The following WBP11 variants were observed in gnomAD, a reference collection of about 807,000 sequenced individuals.
WBP11 encodes the protein WW domain binding protein 11, also known as WW domain-binding protein 11.
WBP11 carries 12 observed loss-of-function variants against 66.7 expected under a neutral mutation model. That is an observed-to-expected ratio of 0.18 (90% CI 0.12 to 0.29). The LOEUF is 0.29. Among genes scored for constraint, WBP11 ranks in the 10% least tolerant of loss-of-function variants. WBP11 has a pLI of 1.00. For missense variants in WBP11, 555 were observed against 818.3 expected (o/e 0.68, Z 3.93); for synonymous variants, 255 against 273.8 (o/e 0.93, Z 0.68).
At chr12:14,795,657 G>A (rs1009695039) in intron 5 of WBP11, among the ~76,000 whole-genome samples, 1 of 152,166 alleles carries the variant, frequency 6.6e-6, no homozygotes, top group African/African-American at 2.4e-5. Flanking sequence ...TTGAACCTGG[G>A]AGGCAGAGGT....
chr12:14,788,717 AT>A (rs562483168), intron 11 of WBP11, among the ~76,000 whole-genome samples: 155 of 152,354 alleles, frequency 1.0e-3, no homozygotes, highest in Admixed American at 1.9e-3. Flanking sequence ...AAACCAAAAA[AT>A]TATCAAATAG....
At chr12:14,790,418 C>A (rs1949806919) in intron 10 of WBP11, 38 bp downstream of exon 10, 1 of 1,594,436 alleles carries the variant, frequency 6.3e-7, no homozygotes, top group Non-Finnish European at 8.6e-7. Context: ...TTCATTCTAA[C>A]CTCATTTAAA....
rs1300360659 is a variant in WBP11 at position 14,784,785 on chromosome 12, T to C, written c.*2280A>G. On this transcript the variant is annotated 3_prime_UTR_variant, in exon 12 of 12. Coordinates refer to ENST00000261167, the MANE Select transcript of WBP11 (RefSeq NM_016312.3). ...GGAAATAGTAACAAGTCTATCCATATACATGATTAAAGATTTCTATCATTT... is the reference window on the plus strand; with the variant it reads ...GGAAATAGTAACAAGTCTATCCATACACATGATTAAAGATTTCTATCATTT... The C allele has an allele frequency of 4.6e-5, 7 of 152,186 alleles. No individual in the cohort carries two copies. Among genetic ancestry groups the C allele is most frequent in the Admixed American group, 2.0e-4 (3 of 15,282 alleles). The allele number at this position is 152,186 out of a possible 1,614,324, so 9.4% of individuals were successfully genotyped here. A position where few individuals can be genotyped will look rare whatever the true frequency, so the allele number is the denominator to read the frequency against.
In WBP11 at chr12:14,800,782, T is replaced by C. The variant is rs781376309; in HGVS notation, c.66A>G (p.Arg22=). ...TTAATTCTCTCTTCCGGGCTTCCTT[T>C]CCTTTAAAAGGAGAGAGGGAGATAT... ...GKFMNPTDQA[R]KEARKRELKK... The change falls in exon 3 of 12, where the codon CGA becomes CGG. Residue 22 remains arginine (R), a splice_region_variant and synonymous_variant. Coordinates refer to ENST00000261167, the MANE Select transcript of WBP11 (RefSeq NM_016312.3). 2.2e-5 allele frequency: 36 copies of C among 1,605,130 alleles called. No homozygotes were observed. Among genetic ancestry groups the C allele is most frequent in the Non-Finnish European group, 2.9e-5 (34 of 1,175,512 alleles).
chr12:14,790,495 G>C lies in WBP11; in HGVS notation c.1270C>G (p.Pro424Ala). 6.2e-7 allele frequency: 1 copy of C among 1,614,016 alleles called. No homozygotes were observed. The highest frequency in any genetic ancestry group is 1.1e-5 in the South Asian group (1 of 91,080). The change falls in exon 10 of 12, where the codon CCT becomes GCT. Residue 424 changes from proline (P) to alanine (A), a missense_variant. Pro to Ala is a conservative substitution (Grantham distance 27). This residue lies in a region of WBP11 where 230 missense variants were observed against 286.3 expected (regional missense o/e 0.80). Coordinates refer to ENST00000261167, the MANE Select transcript of WBP11 (RefSeq NM_016312.3). ...GPPPAPPLRP[P>A]GPPTGLPPGP... ...GGAGGAAGGCCTGTAGGTGGCCCAG[G>C]AGGCCGTAATGGTGGAGCAGGTGGT...
rs956552937 is a variant in WBP11 at position 14,793,113 on chromosome 12, C to G, written c.913+618G>C. Among the ~76,000 whole-genome samples the G allele has an allele frequency of 2.0e-5, 3 of 152,212 alleles. No individual in the cohort carries two copies. The South Asian group carries it at 6.2e-4, about 32-fold the overall frequency. On this transcript the variant is annotated intron_variant, in intron 8 of 11. Transcript: ENST00000261167. ...TTAATATTACATAGTATTATATATT[C>G]TGTTGTAGGCCACATAAACAATCCC...
chr12:14,790,526 A>G lies in WBP11; in HGVS notation c.1239T>C (p.Leu413=), dbSNP rs138065284. 2.2e-5 allele frequency: 35 copies of G among 1,613,926 alleles called. 2 individuals carry two copies. The highest frequency in any genetic ancestry group is 4.0e-5 in the African/African-American group (3 of 74,944). The change falls in exon 10 of 12, where the codon CTT becomes CTC. Residue 413 remains leucine (L), a synonymous_variant. Transcript: ENST00000261167. ...QAPPMPGPPP[L]GPPPAPPLRP... is the part of the protein sequence containing the mutation. ...GTAATGGTGGAGCAGGTGGTGGTCC[A>G]AGAGGTGGTGGTCCTGGCATGGGAG...
At chr12:14,791,068 C>T in intron 9 of WBP11, 101 bp downstream of exon 9, 2 of 1,171,126 alleles carry the variant, frequency 1.7e-6, no homozygotes, top group Non-Finnish European at 2.4e-6. Context: ...GGACTTATTA[C>T]TTACTTGAAG....
At chr12:14,788,316 TG>T (rs1176302191) in intron 11 of WBP11, among the ~76,000 whole-genome samples, 1 of 152,220 alleles carries the variant, frequency 6.6e-6, no homozygotes, top group Non-Finnish European at 1.5e-5. Flanking sequence ...AAAGAACTCA[TG>T]TCCTATGGAC....
intron 1 of WBP11, chr12:14,801,816 G>T: frequency 6.4e-6 from 1 of 155,788 alleles, no homozygotes; most frequent in Non-Finnish European, 1.4e-5. Context: ...TTATTAACAT[G>T]TAATTGTAAA....
At chr12:14,794,759 C>G in intron 6 of WBP11, 23 bp from the exon 7 acceptor site, 1 of 1,530,820 alleles carries the variant, frequency 6.5e-7, no homozygotes, top group African/African-American at 1.4e-5. Context: ...AAAACAAAAA[C>G]AAAAAAACCC....
chr12:14,793,318 A>C (rs898727305), intron 8 of WBP11, among the ~76,000 whole-genome samples: 3 of 152,198 alleles, frequency 2.0e-5, no homozygotes, highest in African/African-American at 7.2e-5. Flanking sequence ...TACCTGGGTT[A>C]TAATTATGAT....
intron 10 of WBP11, 110 bp from the exon 11 acceptor site, chr12:14,789,243 CT>C (rs1949793253): frequency 2.0e-6 from 2 of 1,018,548 alleles, no homozygotes; most frequent in Non-Finnish European, 2.8e-6. Context: ...ATCAGATTAA[CT>C]TCAAGAAGTT....
chr12:14,793,129 A>C (rs1949841267), intron 8 of WBP11, among the ~76,000 whole-genome samples: 1 of 152,206 alleles, frequency 6.6e-6, no homozygotes, highest in African/African-American at 2.4e-5. Context: ...TAGGCCACAT[A>C]AACAATCCCA....
rs199934708 is a variant in WBP11 at position 14,794,742 on chromosome 12, A to T, written c.522-6T>A. On this transcript the variant is annotated splice_region_variant and splice_polypyrimidine_tract_variant and intron_variant, in intron 6 of 11. Transcript: ENST00000261167. ...AAACTGCCCGAGTTGGAGGTCTGTTAAAAAAAAAAACAAAAACAAAAAAAC... is the reference window on the plus strand; with the variant it reads ...AAACTGCCCGAGTTGGAGGTCTGTTTAAAAAAAAAACAAAAACAAAAAAAC... 3.5e-5 allele frequency: 14 copies of T among 395,230 alleles called. No individual in the cohort carries two copies. Among genetic ancestry groups the T allele is most frequent in the South Asian group, 6.9e-5 (1 of 14,480 alleles). 24.5% of individuals were successfully genotyped at this position (395,230 alleles called of 1,614,324 possible).
chr12:14,801,282 C>G (rs1389920899), intron 2 of WBP11, 38 bp downstream of exon 2: 1 of 1,603,028 alleles, frequency 6.2e-7, no homozygotes. Context: ...ATTTTTAACA[C>G]TCTCCTACTT....
At chr12:14,799,596 G>T in intron 4 of WBP11, 39 bp downstream of exon 4, 1 of 1,589,066 alleles carries the variant, frequency 6.3e-7, no homozygotes, top group Non-Finnish European at 8.6e-7. Context: ...GCCTCTGTAC[G>T]TGTCAGACTG....
At chr12:14,801,081 TA>T (rs1949956845) in intron 2 of WBP11, 2 of 465,368 alleles carry the variant, frequency 4.3e-6, no homozygotes, top group South Asian at 5.3e-5. Context: ...ATTTCCAATA[TA>T]AAAAGAAAGA....
At chr12:14,793,611 C>A (rs770243456) in intron 8 of WBP11, 120 bp downstream of exon 8, 18 of 1,215,740 alleles carry the variant, frequency 1.5e-5, no homozygotes, top group Admixed American at 2.3e-5. Context: ...AAGATGAACA[C>A]AGCTATGATC....
Sources: allele counts gnomAD v4.1 joint callset (sites outside exome capture counted in the v4.1 genomes callset), GRCh38; gene constraint gnomAD v4.1.1; regional missense constraint gnomAD v4.1.1; transcripts MANE v1.5; gene names NCBI Gene and HGNC (gene_info 2026-07-23, HGNC 2026-07-21).